The following ZNF814 variants were observed in gnomAD, a reference collection of about 807,000 sequenced individuals.
The protein encoded by ZNF814 is zinc finger protein 814.
In ZNF814, 5 loss-of-function variants were observed where a neutral mutation model predicts 7.5. The observed-to-expected ratio is 0.67, with a 90% CI of 0.35 to 1.40. The LOEUF is 1.40. ZNF814 is among the 40% of genes most tolerant of loss of function. The pLI, the probability that ZNF814 is intolerant of heterozygous loss-of-function variation, is 0.04. For missense variants in ZNF814, 962 were observed against 1,018.0 expected (o/e 0.94, Z 0.75); for synonymous variants, 315 against 340.7 (o/e 0.92, Z 0.83).
At chr19:57,901,560 C>T in the ZNF814 span, 1 of 398,372 alleles carries the variant, frequency 2.5e-6, no homozygotes, top group Non-Finnish European at 4.4e-6. Flanking sequence ...TGAGCCACAC[C>T]AGGAAGAGAG....
In ZNF814 at chr19:57,876,899, G is replaced by T. The variant is rs1283373873; in HGVS notation, c.163+17C>A. On this transcript the variant is annotated intron_variant, in intron 2 of 2. Transcript: ENST00000435989. Reference sequence around the variant, plus strand: ...CAGAGACTAGCTCAGGTCACAGGGTGAGTGTGAGCAACTTACCCAGGGAGG... The same window carrying T: ...CAGAGACTAGCTCAGGTCACAGGGTTAGTGTGAGCAACTTACCCAGGGAGG... 1 of 1,613,990 alleles carries T rather than the reference G, an allele frequency of 6.2e-7. No homozygotes were observed. The highest frequency in any genetic ancestry group is 8.5e-7 in the Non-Finnish European group (1 of 1,179,898).
chr19:57,899,989 G>T, the ZNF814 span, among the ~76,000 whole-genome samples: 1 of 152,186 alleles, frequency 6.6e-6, no homozygotes, highest in Non-Finnish European at 1.5e-5. Context: ...GGCAGGTTTT[G>T]TTGGCATTCT....
At chr19:57,877,248 C>T (rs148642523) in intron 1 of ZNF814, among the ~76,000 whole-genome samples, 12 of 152,116 alleles carry the variant, frequency 7.9e-5, no homozygotes, top group Admixed American at 3.9e-4. Context: ...AAGAGTCCAC[C>T]CCCTCCTGAC....
rs74637472 is a variant in ZNF814, at chr19:57,872,233, T to C, written c.*589A>G. Among the ~76,000 whole-genome samples the C allele has an allele frequency of 4.7e-4, 72 of 152,342 alleles. No individual in the cohort carries two copies. Among genetic ancestry groups the C allele is most frequent in the Middle Eastern group, 3.4e-3 (1 of 294 alleles). On this transcript the variant is annotated 3_prime_UTR_variant, in exon 3 of 3. Coordinates refer to ENST00000435989, the MANE Select transcript of ZNF814 (RefSeq NM_001144989.2). ...TAGGTGGCACTCTCAAAGGGTTACA[T>C]TGAAAAAGAAATAACATTCCATATA...
intron 1 of ZNF814, 129 bp downstream of exon 1, chr19:57,888,638 C>T (rs982864956): frequency 3.0e-5 from 36 of 1,197,568 alleles, no homozygotes; most frequent in Middle Eastern, 1.9e-4. Flanking sequence ...AGAAATGGGG[C>T]CCCTCCCGCA....
chr19:57,879,399 C>T (rs1165061791), intron 1 of ZNF814, among the ~76,000 whole-genome samples: 2 of 148,174 alleles, frequency 1.3e-5, no homozygotes, highest in East Asian at 3.9e-4. Context: ...CTCTGATACA[C>T]CCTACATTCA....
chr19:57,891,191 A>C (rs535759355), upstream of ZNF814, among the ~76,000 whole-genome samples: 1 of 152,300 alleles, frequency 6.6e-6, no homozygotes, highest in South Asian at 2.1e-4. Flanking sequence ...ATGGTCTAAA[A>C]AAAGGAGGCA....
At chr19:57,883,616 G>A (rs1280856452) in intron 1 of ZNF814, among the ~76,000 whole-genome samples, 4 of 148,152 alleles carry the variant, frequency 2.7e-5, no homozygotes, top group East Asian at 4.1e-4. Context: ...AGCTGAGATC[G>A]CACCACTGCA....
upstream of ZNF814, among the ~76,000 whole-genome samples, chr19:57,890,357 ATTTG>A (rs373606713): frequency 7.1e-4 from 108 of 151,784 alleles, 1 homozygote; most frequent in East Asian, 1.9e-3. Context: ...GTTGTTGTTT[ATTTG>A]TTTGTTTGTT....
chr19:57,894,271 C>G, the ZNF814 span, among the ~76,000 whole-genome samples: 1 of 147,866 alleles, frequency 6.8e-6, no homozygotes, highest in African/African-American at 2.5e-5. Flanking sequence ...GAGGCTGAGG[C>G]TGGAGAATTG....
In ZNF814 at chr19:57,872,136, G is replaced by A. The variant is rs749291938; in HGVS notation, c.*686C>T. Among the ~76,000 whole-genome samples the A allele has an allele frequency of 6.6e-6, 1 of 152,196 alleles. No homozygotes were observed. The highest frequency in any genetic ancestry group is 1.5e-5 in the Non-Finnish European group (1 of 68,038). On this transcript the variant is annotated 3_prime_UTR_variant, in exon 3 of 3. Coordinates refer to ENST00000435989, the MANE Select transcript of ZNF814 (RefSeq NM_001144989.2). Reference sequence around the variant, plus strand: ...AAATCTAGCAAGGTACCTGGGTATAGTGAAAAATGCACTGTAGCTGCCACA... The same window carrying A: ...AAATCTAGCAAGGTACCTGGGTATAATGAAAAATGCACTGTAGCTGCCACA...
At position 57,874,297 on chromosome 19, in the gene ZNF814, CAT is replaced by C. The variant is rs2122425310; in HGVS notation, c.1091_1092del (p.Tyr364CysfsTer2). On this transcript the variant is annotated frameshift_variant, in exon 3 of 3. Coordinates refer to ENST00000435989, the MANE Select transcript of ZNF814 (RefSeq NM_001144989.2). LOFTEE classifies it low-confidence loss of function (END_TRUNC). ...ACTCTCTGATGATTACTGAAGCTAACATATTTGCTAAAGGATTTCCCACATTC... is the reference window on the plus strand; with the variant it reads ...ACTCTCTGATGATTACTGAAGCTAACATTTGCTAAAGGATTTCCCACATTC... ...CGECGKSFSK[Y>X]VSFSNHQRVH... 6.2e-7 allele frequency: 1 copy of C among 1,603,234 alleles called. No individual in the cohort carries two copies. Among genetic ancestry groups the C allele is most frequent in the Non-Finnish European group, 8.5e-7 (1 of 1,174,784 alleles).
chr19:57,872,601 G>T lies in ZNF814; in HGVS notation c.*221C>A. On this transcript the variant is annotated 3_prime_UTR_variant, in exon 3 of 3. Coordinates refer to ENST00000435989, the MANE Select transcript of ZNF814 (RefSeq NM_001144989.2). ...ACCTTACTCCAGTGTGAACTCTCCT[G>T]TGTTTAATGAGACTGAAAGTTTCAG... is the stretch of plus-strand genomic sequence containing the variant. The T allele has an allele frequency of 1.6e-6, 2 of 1,245,016 alleles. No individual in the cohort carries two copies. Among genetic ancestry groups the T allele is most frequent in the Non-Finnish European group, 2.3e-6 (2 of 875,564 alleles). The allele number at this position is 1,245,016 out of a possible 1,614,324, so 77.1% of individuals were successfully genotyped here.
chr19:57,884,418 C>T (rs1330638891), intron 1 of ZNF814, among the ~76,000 whole-genome samples: 1 of 152,060 alleles, frequency 6.6e-6, no homozygotes, highest in African/African-American at 2.4e-5. Flanking sequence ...TTTATAACCA[C>T]CCTGTTTAAC....
the ZNF814 span, among the ~76,000 whole-genome samples, chr19:57,895,054 G>A: frequency 6.6e-6 from 1 of 152,096 alleles, no homozygotes; most frequent in African/African-American, 2.4e-5. Flanking sequence ...TGACAGTGAA[G>A]CAGAGCAACC....
At chr19:57,889,121 T>G (rs193293655), upstream of ZNF814, 1 of 436,084 alleles carries the variant, frequency 2.3e-6, no homozygotes, top group East Asian at 3.3e-5. Context: ...CTCAGAGGTC[T>G]TCTACGCTAT....
rs1186157803 is a variant in ZNF814, at chr19:57,872,873, C to G, written c.2517G>C (p.Lys839Asn). Reference sequence around the variant, plus strand: ...TCTGGTGTACAAGGAGGTGAGACTTCTTGTTAAATAATTTCCCACATTTCT... The same window carrying G: ...TCTGGTGTACAAGGAGGTGAGACTTGTTGTTAAATAATTTCCCACATTTCT... The part of the protein sequence containing the change: ...KCEKCGKLFN[K>N]KSHLLVHQSS... Residue 839 changes from lysine (K) to asparagine (N), a missense_variant, in exon 3 of 3, where the codon AAG becomes AAC. By Grantham distance (94) the Lys-to-Asn change is moderately conservative (BLOSUM62 0). This residue lies in a region of ZNF814 where 665 missense variants were observed against 551.4 expected (regional missense o/e 1.21). Transcript: ENST00000435989. 1.9e-6 allele frequency: 3 copies of G among 1,612,644 alleles called. No individual in the cohort carries two copies. The highest frequency in any genetic ancestry group is 2.5e-6 in the Non-Finnish European group (3 of 1,179,482).
At chr19:57,900,531 G>A in the ZNF814 span, 1 of 152,116 alleles carries the variant, frequency 6.6e-6, no homozygotes, top group African/African-American at 2.4e-5. Flanking sequence ...GCAGGTTAAG[G>A]AGATTGTAAA....
At chr19:57,891,186 C>A (rs750116293), upstream of ZNF814, among the ~76,000 whole-genome samples, 3 of 152,016 alleles carry the variant, frequency 2.0e-5, no homozygotes, top group Admixed American at 1.3e-4. Context: ...CCTATATGGT[C>A]TAAAAAAAGG....
Sources: gnomAD v4.1 joint callset for allele counts (sites outside exome capture counted in the v4.1 genomes callset) on GRCh38, gnomAD v4.1.1 for gene constraint, gnomAD v4.1.1 regional missense constraint, MANE v1.5 for transcripts, NCBI Gene and HGNC (gene_info 2026-07-23, HGNC 2026-07-21) for gene names.